The following OGFR variants were observed in gnomAD, a reference collection of about 807,000 sequenced individuals.
OGFR encodes protein 7-60.
A neutral mutation model predicts 33.6 loss-of-function variants in OGFR; 18 were observed. That is an observed-to-expected ratio of 0.54 (90% confidence interval 0.37 to 0.80). The LOEUF (loss-of-function observed/expected upper bound fraction) is 0.80. Among genes scored for constraint, OGFR ranks in the 30% least tolerant of loss-of-function variants. The probability of loss-of-function intolerance (pLI) is 0.00; values close to 1 mark genes in which losing one functional copy is unlikely to be tolerated. For missense variants in OGFR, 877 were observed against 955.8 expected (o/e 0.92, Z 1.09); for synonymous variants, 370 against 400.7 (o/e 0.92, Z 0.91).
intron 1 of OGFR, chr20:62,805,459 C>T (rs1179582922): frequency 6.5e-6 from 1 of 153,410 alleles, no homozygotes; most frequent in Non-Finnish European, 1.5e-5. Flanking sequence ...GGAGGCTTCG[C>T]GTCTGCACCT....
In OGFR at chr20:62,812,975, A is replaced by C. The variant is rs1056126410; in HGVS notation, c.1360A>C (p.Lys454Gln). 1 of 1,612,026 alleles carries C rather than the reference A, an allele frequency of 6.2e-7. No homozygotes were observed. Residue 454 changes from lysine to glutamine, a missense_variant, in exon 7 of 7, where the codon AAG becomes CAG. Lys to Gln is a moderately conservative substitution (Grantham distance 53). Transcript: ENST00000290291. The stretch of plus-strand genomic sequence containing the variant: ...ACCCCTGGGAGCCAGGGTGGCCGAC[A>C]AGGTGAGGAAGCGGAGGAAGGTGGA... ...RQPLGARVADKVRKRRKVDEG... is the reference protein window; with the variant it reads ...RQPLGARVADQVRKRRKVDEG...
At chr20:62,808,370 C>T in intron 3 of OGFR, 45 bp downstream of exon 3, 1 of 1,452,668 alleles carries the variant, frequency 6.9e-7, no homozygotes, top group South Asian at 1.1e-5. Context: ...CCATCCTTGC[C>T]TGGCAGGGGT....
chr20:62,813,525 G>C lies in OGFR; in HGVS notation c.1910G>C (p.Ser637Thr), dbSNP rs146286855. Residue 637 changes from serine to threonine, a missense_variant, in exon 7 of 7, where the codon AGC becomes ACC. Around this residue, in one of 3 missense-constraint regions of OGFR, gnomAD observed 72 missense variants for 181.8 expected, o/e 0.40. Transcript: ENST00000290291. ...CCTGCAGGGGACGAGCCAGCCGAGA[G>C]CCCATCGGAGACCCCAGGCCCCAGC... Reference protein sequence around the residue: ...AGPAGDEPAESPSETPGPSPA... With the variant: ...AGPAGDEPAETPSETPGPSPA... 169 of 1,562,350 alleles carry C rather than the reference G, an allele frequency of 1.1e-4. 1 individual carries two copies. In the African/African-American group the frequency reaches 2.2e-3, roughly 20 times the overall value.
chr20:62,807,970 C>G (rs1990634886), intron 2 of OGFR: 6 of 602,696 alleles, frequency 1.0e-5, no homozygotes, highest in Non-Finnish European at 1.8e-5. Flanking sequence ...CTCCACACCC[C>G]TGAATCACGG....
intron 6 of OGFR, 83 bp downstream of exon 6, chr20:62,811,693 C>A: frequency 2.1e-6 from 3 of 1,410,054 alleles, no homozygotes; most frequent in Non-Finnish European, 2.8e-6. Flanking sequence ...CAGAGCGCTG[C>A]TGCAGACGGA....
In OGFR at chr20:62,813,049, C is replaced by T; in HGVS notation, c.1434C>T (p.Thr478=). Residue 478 remains threonine, a synonymous_variant, in exon 7 of 7, where the codon ACC becomes ACT. Coordinates refer to ENST00000290291, the MANE Select transcript of OGFR (RefSeq NM_007346.4). ...CGGTGGCCAGTGGTGGTGCCCAGAC[C>T]TTGGCCCTTGCCGGGTCCCCTGCCC... ...SAAVASGGAQ[T]LALAGSPAPS... is the part of the protein sequence containing the mutation. 1 of 1,589,312 alleles carries T rather than the reference C, an allele frequency of 6.3e-7. No individual in the cohort carries two copies. The highest frequency in any genetic ancestry group is 8.6e-7 in the Non-Finnish European group (1 of 1,168,004).
At chr20:62,808,068 C>A in intron 2 of OGFR, 179 bp from the exon 3 acceptor site, 1 of 674,108 alleles carries the variant, frequency 1.5e-6, no homozygotes, top group South Asian at 1.6e-5. Context: ...GTCCCTGGGG[C>A]TTGGAGGCAG....
chr20:62,809,501 C>T, intron 3 of OGFR, 84 bp from the exon 4 acceptor site: 1 of 1,014,514 alleles, frequency 9.9e-7, no homozygotes, highest in Admixed American at 1.7e-5. Flanking sequence ...AGCACTCTCT[C>T]CTTATGTCCC....
chr20:62,807,684 T>A, intron 2 of OGFR, 79 bp downstream of exon 2: 1 of 1,454,306 alleles, frequency 6.9e-7, no homozygotes, highest in Non-Finnish European at 9.5e-7. Context: ...CAGGTTCTAC[T>A]GGAAGGCTGG....
chr20:62,813,936 C>T lies in OGFR; in HGVS notation c.*287C>T, dbSNP rs1990813843. 1 of 541,894 alleles carries T rather than the reference C, an allele frequency of 1.8e-6. No individual in the cohort carries two copies. Among genetic ancestry groups the T allele is most frequent in the Non-Finnish European group, 3.3e-6 (1 of 305,116 alleles). The allele number at this position is 541,894 out of a possible 1,614,324, so 33.6% of individuals were successfully genotyped here. A position where few individuals can be genotyped will look rare whatever the true frequency, so the allele number is the denominator to read the frequency against. On this transcript the variant is annotated 3_prime_UTR_variant, in exon 7 of 7. Coordinates refer to ENST00000290291, the MANE Select transcript of OGFR (RefSeq NM_007346.4). Reference sequence around the variant, plus strand: ...CCCTTCTGGAGTGGGGGGCGGCGGGCAGGGCTGCTTTTCTTAGTCTGATAC... The same window carrying T: ...CCCTTCTGGAGTGGGGGGCGGCGGGTAGGGCTGCTTTTCTTAGTCTGATAC...
rs1160252525 is a variant in OGFR, at chr20:62,807,322, C to T, written c.172-215C>T. 4 of 594,778 alleles carry T rather than the reference C, an allele frequency of 6.7e-6. No individual in the cohort carries two copies. In the African/African-American group the frequency reaches 7.5e-5, roughly 11 times the overall value. 36.8% of individuals were successfully genotyped at this position (594,778 alleles called of 1,614,324 possible). ...TACCGCAGCCCTCTCTGGTTCTGTG[C>T]AGGGTATTGGGATGCGTTACTGAGG... On this transcript the variant is annotated intron_variant, in intron 1 of 6. Transcript: ENST00000290291.
At position 62,812,760 on chromosome 20, in the gene OGFR, G is replaced by A. The variant is rs1056557655; in HGVS notation, c.1145G>A (p.Ser382Asn). Residue 382 changes from serine (S) to asparagine (N), a missense_variant, in exon 7 of 7, where the codon AGC becomes AAC. This residue lies in a region of OGFR where 760 missense variants were observed against 736.0 expected (regional missense o/e 1.03). Coordinates refer to ENST00000290291, the MANE Select transcript of OGFR (RefSeq NM_007346.4). ...DRPEPLSPKE[S>N]KKRKLELSRR... ...CCGGAGCCCTTAAGCCCCAAAGAGA[G>A]CAAGAAGAGGAAGCTGGAGCTGAGC... The A allele has an allele frequency of 1.2e-6, 2 of 1,611,622 alleles. No individual in the cohort carries two copies. Among genetic ancestry groups the A allele is most frequent in the Admixed American group, 1.7e-5 (1 of 59,826 alleles).
chr20:62,809,034 G>C (rs1028268751), intron 3 of OGFR, among the ~76,000 whole-genome samples: 1 of 111,288 alleles, frequency 9.0e-6, no homozygotes, highest in Non-Finnish European at 1.9e-5. Context: ...GATATTATAA[G>C]AAATTAAAAT....
Position 62,812,337 on chromosome 20 carries a change from T to A in OGFR, c.722T>A (p.Leu241Gln). 6.4e-7 allele frequency: 1 copy of A among 1,571,100 alleles called. No individual in the cohort carries two copies. Among genetic ancestry groups the A allele is most frequent in the Non-Finnish European group, 8.6e-7 (1 of 1,158,756 alleles). The part of the protein sequence containing the change: ...PLVRFFLEET[L>Q]VRRELPGVRQ... Reference sequence around the variant, plus strand: ...GTCCGCTTCTTCCTGGAGGAGACGCTGGTGCGGCGGGAGCTGCCGGGGGTG... The same window carrying A: ...GTCCGCTTCTTCCTGGAGGAGACGCAGGTGCGGCGGGAGCTGCCGGGGGTG... Residue 241 changes from leucine to glutamine, a missense_variant, in exon 7 of 7, where the codon CTG becomes CAG. Transcript: ENST00000290291.
chr20:62,809,073 G>A (rs554763061), intron 3 of OGFR, among the ~76,000 whole-genome samples: 17 of 151,318 alleles, frequency 1.1e-4, no homozygotes, highest in African/African-American at 3.9e-4. Flanking sequence ...TCACGGGCAC[G>A]TGCCCACACC....
At position 62,811,591 on chromosome 20, in the gene OGFR, C is replaced by G; in HGVS notation, c.595C>G (p.Arg199Gly). ...GGGCCGAGCACAGAACTACCAGAAG[C>G]GCTTCCAGAACCTGAACTGGTGAGG... ...TVGRAQNYQK[R>G]FQNLNWRSHN... The change falls in exon 6 of 7, where the codon CGC (arginine) becomes GGC (glycine). Residue 199 changes from arginine (R) to glycine (G), a missense_variant. Arg to Gly is a moderately radical substitution (Grantham distance 125). Transcript: ENST00000290291. 2 of 1,593,024 alleles carry G rather than the reference C, an allele frequency of 1.3e-6. No individual in the cohort carries two copies. The highest frequency in any genetic ancestry group is 1.7e-6 in the Non-Finnish European group (2 of 1,170,640).
At position 62,813,831 on chromosome 20, in the gene OGFR, C is replaced by A; in HGVS notation, c.*182C>A. ...GAAGCCGCGAGGCCCTCAGGGAAGC[C>A]CAAGGCCTGCAGAAGCCTCCTGGCC... is the stretch of plus-strand genomic sequence containing the variant. On this transcript the variant is annotated 3_prime_UTR_variant, in exon 7 of 7. Coordinates refer to ENST00000290291, the MANE Select transcript of OGFR (RefSeq NM_007346.4). 1.5e-6 allele frequency: 1 copy of A among 680,356 alleles called. No homozygotes were observed. The highest frequency in any genetic ancestry group is 2.5e-6 in the Non-Finnish European group (1 of 406,416). 42.1% of individuals were successfully genotyped at this position (680,356 alleles called of 1,614,324 possible).
At position 62,813,146 on chromosome 20, in the gene OGFR, A is replaced by G. The variant is rs770473823; in HGVS notation, c.1531A>G (p.Lys511Glu). ...GGACACAGAAGGTCGAACGGGGCCCAAAGAAGGTACCCCTGGGAGCCCATC... is the reference window on the plus strand; with the variant it reads ...GGACACAGAAGGTCGAACGGGGCCCGAAGAAGGTACCCCTGGGAGCCCATC... ...EEDTEGRTGP[K>E]EGTPGSPSET... Residue 511 changes from lysine (K) to glutamate (E), a missense_variant, in exon 7 of 7, where the codon AAA becomes GAA. Transcript: ENST00000290291. The G allele has an allele frequency of 5.5e-5, 87 of 1,583,960 alleles. No individual in the cohort carries two copies. Among genetic ancestry groups the G allele is most frequent in the Non-Finnish European group, 7.1e-5 (83 of 1,165,464 alleles).
chr20:62,808,474 G>A, intron 3 of OGFR, 149 bp downstream of exon 3: 2 of 638,228 alleles, frequency 3.1e-6, no homozygotes, highest in Admixed American at 2.6e-5. Flanking sequence ...CGGCCAGAGG[G>A]ACTCCAGGAT....
Sources: allele counts gnomAD v4.1 joint callset (sites outside exome capture counted in the v4.1 genomes callset), GRCh38; gene constraint gnomAD v4.1.1; regional missense constraint gnomAD v4.1.1; transcripts MANE v1.5; gene names NCBI Gene and HGNC (gene_info 2026-07-23, HGNC 2026-07-21).